The following PRKAR1A variants were observed in gnomAD, a reference collection of about 807,000 sequenced individuals.
PRKAR1A encodes the protein cAMP-dependent protein kinase type I-alpha regulatory subunit.
In PRKAR1A, 3 loss-of-function variants were observed where a neutral mutation model predicts 52.0. The observed-to-expected ratio is 0.06, with a 90% CI of 0.03 to 0.15. The LOEUF is 0.15. Ranked by LOEUF, PRKAR1A falls within the 10% of genes least tolerant of loss-of-function variation. The probability of loss-of-function intolerance (pLI) is 1.00; values close to 1 mark genes in which losing one functional copy is unlikely to be tolerated. For missense variants in PRKAR1A, 240 were observed against 477.4 expected, an observed-to-expected ratio of 0.50 and a Z score of 4.63; for synonymous variants, 188 against 168.4, an observed-to-expected ratio of 1.12 and a Z score of -0.90.
chr17:68,539,954 C>A, intron 11 of PRKAR1A: 5 of 1,614,098 alleles, frequency 3.1e-6, no homozygotes, highest in Non-Finnish European at 4.2e-6. Flanking sequence ...ATAATGGTGC[C>A]GGTCCATATT....
chr17:68,438,640 G>T, the PRKAR1A span, among the ~76,000 whole-genome samples: 1 of 152,156 alleles, frequency 6.6e-6, no homozygotes, highest in Non-Finnish European at 1.5e-5. Context: ...TTACTCTGTT[G>T]CCCAAGCTGC....
At chr17:68,486,495 TTCCTTCCTTCC>T in the PRKAR1A span, among the ~76,000 whole-genome samples, 2,305 of 46,622 alleles carry the variant, frequency 0.049, 21 homozygotes, top group East Asian at 0.098. Flanking sequence ...CCTTCCTTCC[TTCCTTCCTTCC>T]TTCTTTCTTT....
intron 2 of PRKAR1A, among the ~76,000 whole-genome samples, chr17:68,518,730 T>C (rs1250940371): frequency 6.6e-6 from 1 of 152,208 alleles, no homozygotes; most frequent in East Asian, 1.9e-4. Context: ...TTTGGCTCCT[T>C]GTTACTTATG....
chr17:68,542,298 G>A, intron 11 of PRKAR1A: 2 of 1,018,012 alleles, frequency 2.0e-6, no homozygotes, highest in South Asian at 3.0e-5. Flanking sequence ...GAAGAAGAAG[G>A]AAACATTGAC....
At chr17:68,541,821 G>A (rs1224521018) in intron 11 of PRKAR1A, 1 of 777,810 alleles carries the variant, frequency 1.3e-6, no homozygotes, top group Non-Finnish European at 2.1e-6. Flanking sequence ...GAACTAAAGG[G>A]GAGAACAGAC....
At chr17:68,490,036 G>T in the PRKAR1A span, among the ~76,000 whole-genome samples, 1 of 152,230 alleles carries the variant, frequency 6.6e-6, no homozygotes, top group Non-Finnish European at 1.5e-5. Context: ...TTTAGAAAAG[G>T]AGATGAGCAC....
At chr17:68,514,738 C>T (rs1029583707) in intron 1 of PRKAR1A, 2 of 152,058 alleles carry the variant, frequency 1.3e-5, no homozygotes, top group African/African-American at 4.8e-5. Flanking sequence ...AAGGATTTTC[C>T]TTCTTTTACC....
chr17:68,544,396 A>T (rs2086453854), intron 11 of PRKAR1A, among the ~76,000 whole-genome samples: 1 of 152,180 alleles, frequency 6.6e-6, no homozygotes, highest in Non-Finnish European at 1.5e-5. Context: ...TACATTCATG[A>T]AAGTGCTTTT....
At chr17:68,500,589 C>T in the PRKAR1A span, among the ~76,000 whole-genome samples, 4 of 151,342 alleles carry the variant, frequency 2.6e-5, no homozygotes, top group Non-Finnish European at 5.9e-5. Context: ...TTTTGGCTCA[C>T]TGCAACGTAC....
At chr17:68,486,219 C>T in the PRKAR1A span, among the ~76,000 whole-genome samples, 7 of 151,618 alleles carry the variant, frequency 4.6e-5, no homozygotes, top group South Asian at 6.2e-4. Flanking sequence ...TTTTAATGTC[C>T]GCATAATTAA....
chr17:68,537,812 C>T, downstream of PRKAR1A: 3 of 1,513,844 alleles, frequency 2.0e-6, no homozygotes, highest in African/African-American at 1.4e-5. This position sits in a 1 kb window ranked among gnomAD's most constrained non-coding sequence, Gnocchi z 4.2. Context: ...CTTCTTTCCC[C>T]ACAAACAGCT....
chr17:68,528,710 C>A (rs1328778362), intron 8 of PRKAR1A, 160 bp from the exon 9 acceptor site: 1 of 922,910 alleles, frequency 1.1e-6, no homozygotes, highest in Non-Finnish European at 1.7e-6. Context: ...GAATCCTGCT[C>A]AGACTAGAGG....
At chr17:68,539,310 CG>C in intron 11 of PRKAR1A, 1 of 1,613,058 alleles carries the variant, frequency 6.2e-7, no homozygotes, top group Non-Finnish European at 8.5e-7. Flanking sequence ...GTTACTTGCC[CG>C]TATTATCTGC....
At chr17:68,522,695 A>G (rs1029652467) in intron 2 of PRKAR1A, 61 bp from the exon 3 acceptor site, 19 of 1,561,684 alleles carry the variant, frequency 1.2e-5, no homozygotes, top group South Asian at 7.9e-5. Flanking sequence ...TCATTGGAAC[A>G]TGAGAGTGCC....
intron 11 of PRKAR1A, among the ~76,000 whole-genome samples, chr17:68,543,207 C>T (rs1033038919): frequency 1.3e-5 from 2 of 152,038 alleles, no homozygotes; most frequent in Non-Finnish European, 2.9e-5. Context: ...CTTGGAAGTG[C>T]CCATGACGCT....
At chr17:68,436,607 C>T in the PRKAR1A span, 1 of 759,428 alleles carries the variant, frequency 1.3e-6, no homozygotes, top group Admixed American at 2.7e-5. Flanking sequence ...GCTTTGCAGA[C>T]AACTGCTTTC....
intron 11 of PRKAR1A, chr17:68,540,936 A>G (rs199617889): frequency 5.5e-5 from 88 of 1,595,992 alleles, no homozygotes; most frequent in Non-Finnish European, 8.5e-7. Context: ...ACTGTGTCAC[A>G]GTAAAGGGGA....
chr17:68,444,399 G>T, the PRKAR1A span: 1 of 1,144,366 alleles, frequency 8.7e-7, no homozygotes. Flanking sequence ...AGCAAACACT[G>T]CTTCACGTTC....
chr17:68,433,760 G>GTTGTTT, the PRKAR1A span, among the ~76,000 whole-genome samples: 1 of 72,822 alleles, frequency 1.4e-5, no homozygotes, highest in Admixed American at 1.8e-4. Context: ...AAGGGTCATA[G>GTTGTTT]TTTTTTTTTT....
Sources: gnomAD v4.1 joint callset for allele counts (sites outside exome capture counted in the v4.1 genomes callset) on GRCh38, gnomAD v4.1.1 for gene constraint, Gnocchi (gnomAD v3.1) non-coding constraint, MANE v1.5 for transcripts, NCBI Gene and HGNC (gene_info 2026-07-23, HGNC 2026-07-21) for gene names.